CEP112: variants seen among roughly 807,000 people sequenced by gnomAD.
CEP112 encodes centrosomal protein of 112 kDa.
A neutral mutation model predicts 153.0 loss-of-function variants in CEP112; 127 were observed. That is an observed-to-expected ratio of 0.83 (90% CI 0.72 to 0.96). The LOEUF is 0.96. Ranked by LOEUF, CEP112 falls within the 40% of genes least tolerant of loss-of-function variation. The probability of loss-of-function intolerance (pLI) is 0.00; values close to 1 mark genes in which losing one functional copy is unlikely to be tolerated. For synonymous variants in CEP112, 358 were observed against 374.4 expected, an observed-to-expected ratio of 0.96 and a Z score of 0.51; for missense variants, 1,089 against 1,101.2, an observed-to-expected ratio of 0.99 and a Z score of 0.16.
At chr17:65,924,091 C>T (rs1047873048) in intron 19 of CEP112, among the ~76,000 whole-genome samples, 1 of 152,140 alleles carries the variant, frequency 6.6e-6, no homozygotes, top group African/African-American at 2.4e-5. Context: ...ATTCTCCTGC[C>T]TCAGCCTCTC....
At chr17:65,964,513 T>C (rs776501895) in intron 17 of CEP112, among the ~76,000 whole-genome samples, 3 of 152,230 alleles carry the variant, frequency 2.0e-5, no homozygotes, top group Non-Finnish European at 4.4e-5. Flanking sequence ...AATATCTAAA[T>C]ACTAAAACAG....
At chr17:65,827,967 C>A (rs900682537) in intron 21 of CEP112, among the ~76,000 whole-genome samples, 25 of 152,198 alleles carry the variant, frequency 1.6e-4, no homozygotes, top group African/African-American at 5.3e-4. Flanking sequence ...CTCCCTGAAT[C>A]TTCTCTATCA....
intron 19 of CEP112, among the ~76,000 whole-genome samples, chr17:65,923,931 A>C (rs1020243489): frequency 3.3e-5 from 5 of 152,278 alleles, no homozygotes; most frequent in African/African-American, 9.6e-5. Context: ...ATTTATATTA[A>C]TCTTTTTAAT....
At chr17:65,842,757 A>G (rs940433195) in intron 21 of CEP112, among the ~76,000 whole-genome samples, 1 of 152,170 alleles carries the variant, frequency 6.6e-6, no homozygotes, top group Non-Finnish European at 1.5e-5. Flanking sequence ...GGTCTAAGGA[A>G]CATCAATTTC....
chr17:65,937,619 G>A lies in CEP112; in HGVS notation c.1873-9930C>T, dbSNP rs1303174495. 5.1e-5 allele frequency among the ~76,000 whole-genome samples: 5 copies of A among 97,358 alleles called. 1 individual carries two copies. Among genetic ancestry groups the A allele is most frequent in the Admixed American group, 3.8e-4 (3 of 7,816 alleles). 63.9% of individuals were successfully genotyped at this position (97,358 alleles called of 152,430 possible). ...GCCGCCCCGTCCGGGAGGGAGGTGG[G>A]GGGGTCAGCCCCCCGCCCGGCCAGC... is the stretch of plus-strand genomic sequence containing the variant. On this transcript the variant is annotated intron_variant, in intron 18 of 26. Coordinates refer to ENST00000535342, the MANE Select transcript of CEP112 (RefSeq NM_001199165.4).
intron 18 of CEP112, among the ~76,000 whole-genome samples, chr17:65,959,433 G>A (rs1458353383): frequency 6.6e-6 from 1 of 152,148 alleles, no homozygotes; most frequent in Non-Finnish European, 1.5e-5. Context: ...CTAGTCGCAG[G>A]ACAAGAACTC....
At chr17:65,964,283 G>A (rs2062330259) in intron 17 of CEP112, among the ~76,000 whole-genome samples, 1 of 152,252 alleles carries the variant, frequency 6.6e-6, no homozygotes, top group African/African-American at 2.4e-5. Flanking sequence ...GTGAATATTA[G>A]CTCAAAGATA....
At chr17:66,007,970 C>T (rs2064344786) in intron 16 of CEP112, among the ~76,000 whole-genome samples, 2 of 152,018 alleles carry the variant, frequency 1.3e-5, no homozygotes, top group South Asian at 4.1e-4. Flanking sequence ...TTTTATGTTA[C>T]TTTTTATACA....
chr17:66,080,485 A>C (rs1241086631), intron 8 of CEP112, among the ~76,000 whole-genome samples: 3 of 152,222 alleles, frequency 2.0e-5, no homozygotes, highest in East Asian at 1.9e-4. Context: ...ACCAGTTAGA[A>C]TGGCCATCAT....
At chr17:65,795,547 C>T (rs1318845116) in intron 21 of CEP112, among the ~76,000 whole-genome samples, 1 of 152,208 alleles carries the variant, frequency 6.6e-6, no homozygotes, top group Admixed American at 6.5e-5. Context: ...CACAGTGGCT[C>T]ATGCCTGTAA....
chr17:66,062,953 T>G lies in CEP112; in HGVS notation c.1074+10A>C, dbSNP rs751086870. On this transcript the variant is annotated intron_variant, in intron 11 of 26. Coordinates refer to ENST00000535342, the MANE Select transcript of CEP112 (RefSeq NM_001199165.4). ...TTTTATGTTTTCCATTAGTATTTTA[T>G]GTAGCTTACCTTTTTTTCCCAGTCA... The G allele has an allele frequency of 7.2e-7, 1 of 1,395,628 alleles. No individual in the cohort carries two copies. The highest frequency in any genetic ancestry group is 1.3e-5 in the South Asian group (1 of 76,398). The allele number at this position is 1,395,628 out of a possible 1,614,324, so 86.5% of individuals were successfully genotyped here.
At chr17:65,765,469 C>T (rs1178578520) in intron 21 of CEP112, among the ~76,000 whole-genome samples, 1 of 152,004 alleles carries the variant, frequency 6.6e-6, no homozygotes, top group Non-Finnish European at 1.5e-5. Flanking sequence ...GCCAGAAGCA[C>T]AAATGATTTT....
intron 21 of CEP112, among the ~76,000 whole-genome samples, chr17:65,844,676 C>CA (rs1351732289): frequency 0.014 from 1,783 of 130,386 alleles, 38 homozygotes; most frequent in African/African-American, 0.04. Context: ...GACTCTATCT[C>CA]AAAAAAAAAA....
At chr17:65,964,672 G>A (rs544953006) in intron 17 of CEP112, among the ~76,000 whole-genome samples, 9 of 148,148 alleles carry the variant, frequency 6.1e-5, no homozygotes, top group South Asian at 4.7e-4. Flanking sequence ...CTGAGAGCAA[G>A]CTCAGAGGGA....
intron 4 of CEP112, among the ~76,000 whole-genome samples, chr17:66,170,345 T>C (rs766028322): frequency 6.6e-6 from 1 of 151,966 alleles, no homozygotes; most frequent in Non-Finnish European, 1.5e-5. Flanking sequence ...TAGCTCATGA[T>C]TGTAGATCTA....
intron 16 of CEP112, among the ~76,000 whole-genome samples, chr17:66,016,540 A>G (rs1407953188): frequency 6.6e-6 from 1 of 152,026 alleles, no homozygotes; most frequent in African/African-American, 2.4e-5. Context: ...GTACTCTAAA[A>G]TGATATGTTA....
intron 23 of CEP112, among the ~76,000 whole-genome samples, chr17:65,690,376 T>C (rs1040314597): frequency 4.2e-5 from 6 of 144,256 alleles, no homozygotes; most frequent in African/African-American, 7.9e-5. Flanking sequence ...CAGTGGGCTA[T>C]GATTGTGTCA....
chr17:66,012,043 C>T (rs768972313), intron 16 of CEP112, among the ~76,000 whole-genome samples: 3 of 152,064 alleles, frequency 2.0e-5, no homozygotes, highest in African/African-American at 4.8e-5. Flanking sequence ...AATAGCAACC[C>T]CTGCTTTTTT....
chr17:66,050,955 C>T (rs571143806), intron 12 of CEP112, among the ~76,000 whole-genome samples: 4 of 152,244 alleles, frequency 2.6e-5, no homozygotes, highest in Admixed American at 2.6e-4. Flanking sequence ...GGAATGGAGG[C>T]CCAAACAATT....
Sources: gnomAD v4.1 joint callset for allele counts (sites outside exome capture counted in the v4.1 genomes callset) on GRCh38, gnomAD v4.1.1 for gene constraint, MANE v1.5 for transcripts, NCBI Gene and HGNC (gene_info 2026-07-23, HGNC 2026-07-21) for gene names.